The following BFSP1 variants were observed in gnomAD, a reference collection of about 807,000 sequenced individuals.
The protein encoded by BFSP1 is beaded filament structural protein 1, also known as filensin.
Under a neutral mutation model 43.9 loss-of-function variants are expected in BFSP1, and 38 were observed. That is an observed-to-expected ratio of 0.87 (90% CI 0.67 to 1.14). BFSP1 has a LOEUF of 1.14. Ranked by LOEUF, BFSP1 falls within the 50% of genes most tolerant of loss-of-function variation. The pLI is 0.00. For missense variants in BFSP1, 850 were observed against 875.1 expected, an observed-to-expected ratio of 0.97 and a Z score of 0.36; for synonymous variants, 352 against 354.8, an observed-to-expected ratio of 0.99 and a Z score of 0.09.
intron 1 of BFSP1, 77 bp downstream of exon 1, chr20:17,530,876 T>C (rs1013663043): frequency 3.7e-5 from 48 of 1,299,884 alleles, no homozygotes; most frequent in Non-Finnish European, 4.7e-5. Context: ...CCCTGCATGG[T>C]AGCAGCGTGC....
At chr20:17,508,378 C>T (rs57880356) in intron 5 of BFSP1, among the ~76,000 whole-genome samples, 1,882 of 152,280 alleles carry the variant, frequency 0.012, 54 homozygotes, top group African/African-American at 0.043. Flanking sequence ...TCCACCAACA[C>T]GTTTCTAACT....
chr20:17,497,103 A>G, intron 6 of BFSP1, 80 bp from the exon 7 acceptor site: 2 of 1,184,334 alleles, frequency 1.7e-6, no homozygotes, highest in Non-Finnish European at 1.2e-6. Flanking sequence ...AGCAAAAATG[A>G]AAAAAAAGCT....
chr20:17,564,919 T>C (rs1394353764), intron 1 of BFSP1, among the ~76,000 whole-genome samples: 2 of 151,398 alleles, frequency 1.3e-5, no homozygotes, highest in Non-Finnish European at 2.9e-5. Flanking sequence ...TTGACAAATG[T>C]GTATACCCAT....
chr20:17,543,319 G>T (rs1356404035), intron 1 of BFSP1, among the ~76,000 whole-genome samples: 1 of 152,198 alleles, frequency 6.6e-6, no homozygotes, highest in Non-Finnish European at 1.5e-5. Flanking sequence ...GTCATCCAGA[G>T]CCCATGAAAT....
chr20:17,545,794 GT>G (rs1418287967), intron 1 of BFSP1, among the ~76,000 whole-genome samples: 1 of 152,224 alleles, frequency 6.6e-6, no homozygotes, highest in African/African-American at 2.4e-5. Context: ...GCCAAAGATA[GT>G]TTTCTTTAAA....
In BFSP1 at chr20:17,531,255, G is replaced by C. The variant is rs768926369; in HGVS notation, c.75C>G (p.Ala25=). 2 of 1,431,688 alleles carry C rather than the reference G, an allele frequency of 1.4e-6. No homozygotes were observed. Among genetic ancestry groups the C allele is most frequent in the Non-Finnish European group, 1.8e-6 (2 of 1,093,818 alleles). The allele number at this position is 1,431,688 out of a possible 1,614,324, so 88.7% of individuals were successfully genotyped here. The change falls in exon 1 of 8, where the codon GCC becomes GCG. Residue 25 remains alanine, a synonymous_variant. Transcript: ENST00000377873. ...YEHADEASRA[A]EPERPADEGW... is the part of the protein sequence containing the mutation. ...CCTCGTCGGCCGGGCGCTCGGGCTCGGCGGCGCGCGAAGCCTCGTCGGCGT... is the reference window on the plus strand; with the variant it reads ...CCTCGTCGGCCGGGCGCTCGGGCTCCGCGGCGCGCGAAGCCTCGTCGGCGT...
chr20:17,542,229 G>C (rs2034729208), intron 1 of BFSP1, among the ~76,000 whole-genome samples: 1 of 151,070 alleles, frequency 6.6e-6, no homozygotes, highest in South Asian at 2.1e-4. Context: ...CTTGAAATTG[G>C]AAACGGTGAG....
intron 4 of BFSP1, among the ~76,000 whole-genome samples, chr20:17,510,578 T>C (rs984147121): frequency 3.9e-5 from 6 of 152,250 alleles, no homozygotes; most frequent in African/African-American, 1.4e-4. Context: ...GTCGCTTAGA[T>C]GATACTTTGC....
At position 17,555,559 on chromosome 20, in the gene BFSP1, A is replaced by G. The variant is rs11908124; in HGVS notation, c.2+3129T>C. ...TCCCAGATACTTGGGAGGCTGAGGC[A>G]TGAGAATCGCTTGAACCCGGGAGGC... On this transcript the variant is annotated intron_variant, in intron 1 of 7. Transcript: ENST00000377868. Among the ~76,000 whole-genome samples the G allele has an allele frequency of 1.2e-3, 176 of 152,230 alleles. 1 individual carries two copies. The highest frequency in any genetic ancestry group is 4.0e-3 in the African/African-American group (168 of 41,550).
At position 17,531,164 on chromosome 20, in the gene BFSP1, G is replaced by A; in HGVS notation, c.166C>T (p.Gln56Ter). 7.7e-7 allele frequency: 1 copy of A among 1,294,854 alleles called. No individual in the cohort carries two copies. The highest frequency in any genetic ancestry group is 9.8e-7 in the Non-Finnish European group (1 of 1,024,212). 80.2% of individuals were successfully genotyped at this position (1,294,854 alleles called of 1,614,324 possible). ...CGCTGCTCGAGGGCGCGGGCCCGCT[G>A]GACGTGGGCGGCCACGCGCTCGCCG... The part of the protein sequence containing the change: ...GLGERVAAHV[Q>*]RARALEQRHA... Residue 56 changes from glutamine to a stop codon, truncating the protein, a stop_gained, in exon 1 of 8, where the codon CAG becomes TAG. Transcript: ENST00000377873. LOFTEE classifies it high-confidence loss of function.
chr20:17,565,937 G>A (rs6080738), intron 1 of BFSP1: 83,291 of 151,870 alleles, frequency 0.55, 25,008 homozygotes, highest in Middle Eastern at 0.72. Flanking sequence ...GGCCAACATG[G>A]TGAAACCCCA....
chr20:17,498,257 A>G (rs1394286264), intron 6 of BFSP1, among the ~76,000 whole-genome samples: 1 of 152,216 alleles, frequency 6.6e-6, no homozygotes, highest in Non-Finnish European at 1.5e-5. Flanking sequence ...CTGGAGAGAA[A>G]GAGAGAATTT....
At position 17,498,822 on chromosome 20, in the gene BFSP1, G is replaced by A. The variant is rs764188082; in HGVS notation, c.954C>T (p.Asn318=). Residue 318 remains asparagine, a splice_region_variant and synonymous_variant, in exon 6 of 8, where the codon AAC becomes AAT. Coordinates refer to ENST00000377873, the MANE Select transcript of BFSP1 (RefSeq NM_001195.5). ...GGATGGGGAGGGCACACGCTCACCT[G>A]TTGCCTTCAATCTCGATGATACGAT... is the stretch of plus-strand genomic sequence containing the variant. ...RYHRIIEIEG[N]RLTSAFIETP... 7 of 1,612,182 alleles carry A rather than the reference G, an allele frequency of 4.3e-6. No individual in the cohort carries two copies. The highest frequency in any genetic ancestry group is 5.9e-6 in the Non-Finnish European group (7 of 1,179,862).
chr20:17,512,045 A>G lies in BFSP1; in HGVS notation c.558T>C (p.Tyr186=). The G allele has an allele frequency of 6.2e-7, 1 of 1,610,198 alleles. No homozygotes were observed. The highest frequency in any genetic ancestry group is 8.5e-7 in the Non-Finnish European group (1 of 1,176,390). ...GGATGATCTGCTGCAGGATGCTGAT[A>G]TAGGTCTGAACTTCCAGAAGATTCT... is the stretch of plus-strand genomic sequence containing the variant. ...HKKNLLEVQT[Y]ISILQQIIHT... The change falls in exon 4 of 8, where the codon TAT becomes TAC. Residue 186 remains tyrosine, a synonymous_variant. Coordinates refer to ENST00000377873, the MANE Select transcript of BFSP1 (RefSeq NM_001195.5).
chr20:17,537,905 C>G (rs2034655027), intron 1 of BFSP1, among the ~76,000 whole-genome samples: 1 of 151,972 alleles, frequency 6.6e-6, no homozygotes, highest in African/African-American at 2.4e-5. Flanking sequence ...GTTACTTGAG[C>G]CCAGGAATCC....
upstream of BFSP1, among the ~76,000 whole-genome samples, chr20:17,532,301 A>G (rs1159644024): frequency 2.7e-5 from 4 of 150,740 alleles, no homozygotes; most frequent in Non-Finnish European, 5.9e-5. Context: ...GCTACCTGGG[A>G]GGCTGAGGCA....
chr20:17,567,517 C>G (rs191744144), intron 1 of BFSP1, among the ~76,000 whole-genome samples: 1 of 152,184 alleles, frequency 6.6e-6, no homozygotes, highest in East Asian at 1.9e-4. Flanking sequence ...CCCTCAACCC[C>G]GGAATCTGCA....
chr20:17,534,841 A>G (rs769678451), upstream of BFSP1, among the ~76,000 whole-genome samples: 3 of 152,040 alleles, frequency 2.0e-5, no homozygotes, highest in Non-Finnish European at 4.4e-5. Context: ...CAACATGGTG[A>G]AACCCCATCT....
Position 17,514,702 on chromosome 20 carries a change from T to G in BFSP1, c.534+19A>C. ...AAACTGGGTTTTCTAGAGGAAGGGC[T>G]TCAAGGGGTCATGATTACCTTCTTG... On this transcript the variant is annotated intron_variant, in intron 3 of 7. Transcript: ENST00000377873. The G allele has an allele frequency of 6.2e-7, 1 of 1,611,940 alleles. No homozygotes were observed. Among genetic ancestry groups the G allele is most frequent in the South Asian group, 1.1e-5 (1 of 91,000 alleles).
Sources: allele counts gnomAD v4.1 joint callset (sites outside exome capture counted in the v4.1 genomes callset), GRCh38; gene constraint gnomAD v4.1.1; transcripts MANE v1.5; gene names NCBI Gene and HGNC (gene_info 2026-07-23, HGNC 2026-07-21).